The following EVA1C variants were observed in gnomAD, a reference collection of about 807,000 sequenced individuals.
EVA1C encodes the protein protein eva-1 homolog C.
In EVA1C, 25 loss-of-function variants were observed where a neutral mutation model predicts 45.4. The ratio of observed to expected loss-of-function variants is 0.55; its 90% CI spans 0.40 to 0.77. The LOEUF (loss-of-function observed/expected upper bound fraction) is 0.77, where lower values mean the gene tolerates loss of function less well. Among genes scored for constraint, EVA1C ranks in the 30% least tolerant of loss-of-function variants. The probability of loss-of-function intolerance (pLI) is 0.00; values close to 1 mark genes in which losing one functional copy is unlikely to be tolerated. For missense variants in EVA1C, 479 were observed against 554.8 expected, an observed-to-expected ratio of 0.86 and a Z score of 1.37; for synonymous variants, 190 against 221.2, an observed-to-expected ratio of 0.86 and a Z score of 1.25.
chr21:32,513,354 G>A (rs2038024012), intron 7 of EVA1C, among the ~76,000 whole-genome samples: 1 of 146,040 alleles, frequency 6.8e-6, no homozygotes, highest in African/African-American at 2.5e-5. Flanking sequence ...TTTTTTTTTT[G>A]TACTTTTGGT....
intron 1 of EVA1C, among the ~76,000 whole-genome samples, chr21:32,435,458 G>A (rs1240473491): frequency 6.6e-6 from 1 of 152,210 alleles, no homozygotes; most frequent in Non-Finnish European, 1.5e-5. Flanking sequence ...CTGATGAATT[G>A]CTGCTCGCCC....
intron 2 of EVA1C, 57 bp from the exon 3 acceptor site, chr21:32,457,540 C>G: frequency 6.2e-7 from 1 of 1,610,906 alleles, no homozygotes; most frequent in Non-Finnish European, 8.5e-7. Flanking sequence ...AGGTTCGGGT[C>G]TGGCAGTCAC....
At chr21:32,507,476 G>T (rs1433999078) in intron 7 of EVA1C, among the ~76,000 whole-genome samples, 4 of 151,570 alleles carry the variant, frequency 2.6e-5, no homozygotes, top group Admixed American at 6.6e-5. Context: ...ATGTGTGCAT[G>T]TGTGTATGCG....
rs971889862 is a variant in EVA1C, at chr21:32,427,311, T to C, written c.160+14298T>C. ...TTTTCAGAGCATCTTCTTGCAAGAC[T>C]TTACTATTCTTTGTTTCTATATAGT... On this transcript the variant is annotated intron_variant, in intron 1 of 7. Coordinates refer to ENST00000300255, the MANE Select transcript of EVA1C (RefSeq NM_058187.5). Among the ~76,000 whole-genome samples the C allele has an allele frequency of 1.6e-4, 25 of 152,360 alleles. No individual in the cohort carries two copies. The South Asian group carries it at 2.1e-3, about 13-fold the overall frequency.
At position 32,474,413 on chromosome 21, in the gene EVA1C, C is replaced by T. The variant is rs1391882395; in HGVS notation, c.634+6565C>T. Among the ~76,000 whole-genome samples, 1 of 152,212 alleles carries T rather than the reference C, an allele frequency of 6.6e-6. No individual in the cohort carries two copies. The highest frequency in any genetic ancestry group is 1.5e-5 in the Non-Finnish European group (1 of 68,044). ...CTGTCCCTTTGACCTGGACTGTGCTCACCCCATATCTTGTGTGGCTGGCTT... is the reference window on the plus strand; with the variant it reads ...CTGTCCCTTTGACCTGGACTGTGCTTACCCCATATCTTGTGTGGCTGGCTT... On this transcript the variant is annotated intron_variant, in intron 4 of 7. Coordinates refer to ENST00000300255, the MANE Select transcript of EVA1C (RefSeq NM_058187.5). The surrounding 1 kb of genome is among the most constrained non-coding windows in gnomAD (Gnocchi z 4.4).
At chr21:32,426,290 A>T (rs2034483877) in intron 1 of EVA1C, among the ~76,000 whole-genome samples, 1 of 152,218 alleles carries the variant, frequency 6.6e-6, no homozygotes, top group South Asian at 2.1e-4. Context: ...TCACTTGCTC[A>T]CTTGACGTGC....
chr21:32,422,644 AAAT>A (rs1568860250), intron 1 of EVA1C, among the ~76,000 whole-genome samples: 1 of 152,206 alleles, frequency 6.6e-6, no homozygotes, highest in African/African-American at 2.4e-5. Flanking sequence ...ATAGACAGCG[AAAT>A]AATATTTTCC....
chr21:32,439,768 C>T (rs1456695903), intron 1 of EVA1C, among the ~76,000 whole-genome samples: 1 of 152,020 alleles, frequency 6.6e-6, no homozygotes, highest in East Asian at 1.9e-4. Context: ...GTAAACCTGT[C>T]CTGCTCCTAA....
chr21:32,501,977 C>T (rs1295848026), intron 6 of EVA1C, among the ~76,000 whole-genome samples: 1 of 150,316 alleles, frequency 6.7e-6, no homozygotes, highest in Non-Finnish European at 1.5e-5. Context: ...CTCTCTCTCT[C>T]TCGCTCTTTT....
chr21:32,453,067 A>G, intron 1 of EVA1C: 1 of 430,428 alleles, frequency 2.3e-6, no homozygotes, highest in Non-Finnish European at 4.2e-6. Context: ...CAGGGACCCC[A>G]CCCTTCTCTA....
chr21:32,421,469 T>C (rs1020289404), intron 1 of EVA1C, among the ~76,000 whole-genome samples: 1 of 152,182 alleles, frequency 6.6e-6, no homozygotes, highest in African/African-American at 2.4e-5. Flanking sequence ...AAAAAAATAA[T>C]GTCTCTTGAG....
Position 32,467,840 on chromosome 21 carries a change from C to A in EVA1C, c.626C>A (p.Pro209His). The A allele has an allele frequency of 6.2e-7, 1 of 1,608,632 alleles. No individual in the cohort carries two copies. The highest frequency in any genetic ancestry group is 1.7e-5 in the Admixed American group (1 of 58,980). The change falls in exon 4 of 8, where the codon CCC (proline) becomes CAC (histidine). Residue 209 changes from proline to histidine, a missense_variant. Coordinates refer to ENST00000300255, the MANE Select transcript of EVA1C (RefSeq NM_058187.5). The part of the protein sequence containing the change: ...DICSSKAERL[P>H]PFDCLSYSAL... ...TGCTCCTCCAAGGCAGAGCGGCTCCCCCCTTTCGGTATGTGCTTTTGTGTG... is the reference window on the plus strand; with the variant it reads ...TGCTCCTCCAAGGCAGAGCGGCTCCACCCTTTCGGTATGTGCTTTTGTGTG...
intron 1 of EVA1C, among the ~76,000 whole-genome samples, chr21:32,425,556 T>G (rs149954683): frequency 3.3e-5 from 5 of 152,270 alleles, no homozygotes; most frequent in Admixed American, 1.3e-4. Context: ...AGGTCTTTTC[T>G]TGTCTCAGAT....
In EVA1C at chr21:32,515,298, T is replaced by C. The variant is rs2038102728; in HGVS notation, c.*108T>C. 5 of 1,250,552 alleles carry C rather than the reference T, an allele frequency of 4.0e-6. No individual in the cohort carries two copies. The highest frequency in any genetic ancestry group is 1.5e-5 in the African/African-American group (1 of 66,640). The allele number at this position is 1,250,552 out of a possible 1,614,324, so 77.5% of individuals were successfully genotyped here. A position where few individuals can be genotyped will look rare whatever the true frequency, so the allele number is the denominator to read the frequency against. ...CTTCTATGAAGGAGAATTCGTCATGTCATTCAACACTCGTGAGGCCAGGAA... is the reference window on the plus strand; with the variant it reads ...CTTCTATGAAGGAGAATTCGTCATGCCATTCAACACTCGTGAGGCCAGGAA... On this transcript the variant is annotated 3_prime_UTR_variant, in exon 8 of 8. Coordinates refer to ENST00000300255, the MANE Select transcript of EVA1C (RefSeq NM_058187.5).
At chr21:32,487,656 G>T (rs975550243) in intron 4 of EVA1C, among the ~76,000 whole-genome samples, 105 of 151,716 alleles carry the variant, frequency 6.9e-4, no homozygotes, top group African/African-American at 2.5e-3. Context: ...GGAGGCAGAG[G>T]TTGCAATGAG....
At chr21:32,455,509 G>A (rs1333468425) in intron 2 of EVA1C, among the ~76,000 whole-genome samples, 7 of 151,886 alleles carry the variant, frequency 4.6e-5, no homozygotes, top group African/African-American at 1.2e-4. Flanking sequence ...TCTGTTGGGC[G>A]CCACCCCAGG....
chr21:32,432,470 C>T (rs1432068745), intron 1 of EVA1C, among the ~76,000 whole-genome samples: 1 of 152,058 alleles, frequency 6.6e-6, no homozygotes, highest in Non-Finnish European at 1.5e-5. Flanking sequence ...CCAGGGAACG[C>T]ACCACCAAAG....
At chr21:32,450,472 T>G (rs2035539379) in intron 1 of EVA1C, among the ~76,000 whole-genome samples, 1 of 150,302 alleles carries the variant, frequency 6.7e-6, no homozygotes, top group South Asian at 2.1e-4. Context: ...AAAATTGATT[T>G]GATGTGTGGT....
chr21:32,494,781 C>CAAA (rs3056335), intron 4 of EVA1C, among the ~76,000 whole-genome samples: 56,005 of 138,762 alleles, frequency 0.4, 11,054 homozygotes, highest in East Asian at 0.53. Context: ...GAATCAGTTT[C>CAAA]AAAAAAAAAA....
Sources: allele counts gnomAD v4.1 joint callset (sites outside exome capture counted in the v4.1 genomes callset), GRCh38; gene constraint gnomAD v4.1.1; non-coding constraint Gnocchi (gnomAD v3.1); transcripts MANE v1.5; gene names NCBI Gene and HGNC (gene_info 2026-07-23, HGNC 2026-07-21).